Variants in SMG6 observed in about 807,000 individuals in gnomAD.
SMG6 encodes SMG6 nonsense mediated mRNA decay factor, also known as telomerase-binding protein EST1A.
SMG6 carries 66 observed loss-of-function variants against 142.2 expected under a neutral mutation model. That is an observed-to-expected ratio of 0.46 (90% confidence interval 0.38 to 0.57). The LOEUF (loss-of-function observed/expected upper bound fraction) is 0.57, where lower values mean the gene tolerates loss of function less well. Among genes scored for constraint, SMG6 ranks in the 20% least tolerant of loss-of-function variants. The probability of loss-of-function intolerance (pLI) is 0.00; values close to 1 mark genes in which losing one functional copy is unlikely to be tolerated. For missense variants in SMG6, 1,793 were observed against 1,832.0 expected (o/e 0.98, Z 0.39); for synonymous variants, 779 against 702.4 (o/e 1.11, Z -1.72).
chr17:2,088,265 G>A, intron 13 of SMG6: 1 of 985,440 alleles, frequency 1.0e-6, no homozygotes, highest in Non-Finnish European at 1.2e-6. Flanking sequence ...CCGACAGGGA[G>A]AAAAGCCACA....
intron 18 of SMG6, among the ~76,000 whole-genome samples, chr17:2,064,621 A>G (rs1405844489): frequency 6.6e-6 from 1 of 152,156 alleles, no homozygotes; most frequent in African/African-American, 2.4e-5. Context: ...AGGGGTGAAC[A>G]GAGAAGGTAG....
At chr17:2,228,407 T>G (rs539439837) in intron 10 of SMG6, among the ~76,000 whole-genome samples, 27 of 152,122 alleles carry the variant, frequency 1.8e-4, no homozygotes, top group Non-Finnish European at 1.3e-4. Flanking sequence ...TTTTGTATTT[T>G]TAGTAGAGAT....
intron 8 of SMG6, among the ~76,000 whole-genome samples, chr17:2,272,204 T>G (rs982997551): frequency 6.6e-6 from 1 of 152,232 alleles, no homozygotes; most frequent in Non-Finnish European, 1.5e-5. Context: ...TTAGGTGCCC[T>G]GTGAGCCCTC....
At chr17:2,205,814 T>TA (rs2151733982) in intron 10 of SMG6, among the ~76,000 whole-genome samples, 1 of 152,108 alleles carries the variant, frequency 6.6e-6, no homozygotes, top group South Asian at 2.1e-4. Flanking sequence ...TGTATATATA[T>TA]TTTTTTTCTT....
chr17:2,275,357 G>C (rs935251382), intron 8 of SMG6, among the ~76,000 whole-genome samples: 1 of 152,158 alleles, frequency 6.6e-6, no homozygotes, highest in Non-Finnish European at 1.5e-5. Context: ...AGGAGGTGGC[G>C]GCTGCAGTGA....
At chr17:2,134,796 T>A (rs1373902540) in intron 13 of SMG6, among the ~76,000 whole-genome samples, 6 of 152,194 alleles carry the variant, frequency 3.9e-5, no homozygotes, top group Non-Finnish European at 8.8e-5. Flanking sequence ...CCTAATTAAA[T>A]GGCTTTAGCT....
chr17:2,231,163 C>T (rs1055661751), intron 10 of SMG6, among the ~76,000 whole-genome samples: 1 of 152,174 alleles, frequency 6.6e-6, no homozygotes. Flanking sequence ...GAGCATACTG[C>T]TTTTCTGAAC....
chr17:2,270,813 G>A (rs1441435995), intron 8 of SMG6, among the ~76,000 whole-genome samples: 9 of 152,146 alleles, frequency 5.9e-5, no homozygotes, highest in Non-Finnish European at 1.3e-4. Context: ...ATTCCCCAAG[G>A]TGTCACTAGT....
intron 10 of SMG6, among the ~76,000 whole-genome samples, chr17:2,224,716 A>AAACCAACC (rs34427018): frequency 5.2e-4 from 79 of 152,046 alleles, no homozygotes; most frequent in Non-Finnish European, 7.9e-4. Context: ...ACTGATAGGA[A>AAACCAACC]AACCAACCAA....
At chr17:2,166,268 A>C (rs2071335726) in intron 13 of SMG6, among the ~76,000 whole-genome samples, 1 of 152,110 alleles carries the variant, frequency 6.6e-6, no homozygotes, top group South Asian at 2.1e-4. Context: ...ATCCAGTGAG[A>C]ATCTACCTAA....
At chr17:2,142,558 A>G (rs2070515174) in intron 13 of SMG6, among the ~76,000 whole-genome samples, 2 of 151,804 alleles carry the variant, frequency 1.3e-5, no homozygotes, top group Admixed American at 1.3e-4. Context: ...AACTCCTACA[A>G]CTCAACAATA....
At chr17:2,213,132 A>C (rs2072913712) in intron 10 of SMG6, among the ~76,000 whole-genome samples, 1 of 152,228 alleles carries the variant, frequency 6.6e-6, no homozygotes, top group South Asian at 2.1e-4. Context: ...ACCCTGGCCT[A>C]AACCATAGGA....
At chr17:2,203,462 C>G (rs1472027937) in intron 10 of SMG6, among the ~76,000 whole-genome samples, 1 of 152,170 alleles carries the variant, frequency 6.6e-6, no homozygotes, top group Non-Finnish European at 1.5e-5. Flanking sequence ...CACTGCTTGC[C>G]AGACGTTTTG....
At chr17:2,074,295 G>A (rs2068197458) in intron 15 of SMG6, among the ~76,000 whole-genome samples, 1 of 152,078 alleles carries the variant, frequency 6.6e-6, no homozygotes. Flanking sequence ...CTATGTGGAT[G>A]TACATGAAAA....
At chr17:2,185,254 A>G (rs1461998427) in intron 12 of SMG6, among the ~76,000 whole-genome samples, 1 of 152,146 alleles carries the variant, frequency 6.6e-6, no homozygotes, top group African/African-American at 2.4e-5. Context: ...CCCCTAGACA[A>G]GCGCCCAGAG....
chr17:2,099,719 T>C (rs1184199706), intron 13 of SMG6, among the ~76,000 whole-genome samples: 3 of 152,198 alleles, frequency 2.0e-5, no homozygotes, highest in African/African-American at 7.2e-5. Context: ...CGGGATAACG[T>C]GTAAGTCAGC....
intron 6 of SMG6, among the ~76,000 whole-genome samples, chr17:2,285,024 T>G (rs537378789): frequency 6.6e-6 from 1 of 152,366 alleles, no homozygotes; most frequent in South Asian, 2.1e-4. Flanking sequence ...TCTATTGTTA[T>G]GTCTTATTTT....
intron 10 of SMG6, among the ~76,000 whole-genome samples, chr17:2,189,116 T>G (rs911436511): frequency 3.9e-5 from 6 of 152,214 alleles, no homozygotes; most frequent in Non-Finnish European, 8.8e-5. Flanking sequence ...AGAACAGTGC[T>G]TGGCACATAA....
intron 13 of SMG6, among the ~76,000 whole-genome samples, chr17:2,125,159 G>C (rs889042875): frequency 1.3e-5 from 2 of 152,178 alleles, no homozygotes; most frequent in Non-Finnish European, 2.9e-5. Context: ...TGGCTCTGGA[G>C]AAAAACAGAC....
Sources: gnomAD v4.1 joint callset for allele counts (sites outside exome capture counted in the v4.1 genomes callset) on GRCh38, gnomAD v4.1.1 for gene constraint, MANE v1.5 for transcripts, NCBI Gene and HGNC (gene_info 2026-07-23, HGNC 2026-07-21) for gene names.